Variants in AOPEP observed in about 807,000 individuals in gnomAD.
The protein encoded by AOPEP is aminopeptidase O.
In AOPEP, 77 loss-of-function variants were observed where a neutral mutation model predicts 98.1. That is an observed-to-expected ratio of 0.78 (90% CI 0.65 to 0.95). AOPEP has a LOEUF of 0.95. Ranked by LOEUF, AOPEP falls within the 40% of genes least tolerant of loss-of-function variation. The pLI, the probability that AOPEP is intolerant of heterozygous loss-of-function variation, is 0.00. For synonymous variants in AOPEP, 346 were observed against 365.3 expected, an observed-to-expected ratio of 0.95 and a Z score of 0.60; for missense variants, 1,024 against 1,024.7, an observed-to-expected ratio of 1.00 and a Z score of 0.01.
chr9:95,134,462 T>C, the AOPEP span, among the ~76,000 whole-genome samples: 3 of 152,260 alleles, frequency 2.0e-5, no homozygotes, highest in South Asian at 6.2e-4. Context: ...ACTGTGGCTC[T>C]TGGAACTCAC....
rs72746594 is a variant in AOPEP at position 94,849,252 on chromosome 9, T to C, written c.1364+48250T>C. Among the ~76,000 whole-genome samples the C allele has an allele frequency of 4.7e-3, 712 of 152,324 alleles. 9 individuals are homozygous for C. The highest frequency in any genetic ancestry group is 0.042 in the South Asian group (201 of 4,826). Reference sequence around the variant, plus strand: ...CTTTAAAAACAAACTTATATTTTCATTGAAGTTTAGTTTTAAGTGTTTTAC... The same window carrying C: ...CTTTAAAAACAAACTTATATTTTCACTGAAGTTTAGTTTTAAGTGTTTTAC... On this transcript the variant is annotated intron_variant, in intron 5 of 16. Coordinates refer to ENST00000375315, the MANE Select transcript of AOPEP (RefSeq NM_001193329.3).
rs1016052128 is a variant in AOPEP, at chr9:95,075,081, C to T, written c.2233-5613C>T. Among the ~76,000 whole-genome samples the T allele has an allele frequency of 4.6e-5, 7 of 152,274 alleles. No homozygotes were observed. The South Asian group carries it at 6.2e-4, about 14-fold the overall frequency. On this transcript the variant is annotated intron_variant, in intron 14 of 16. Transcript: ENST00000375315. ...TTCTCTACTTGCCCAGTCTCCTTCC[C>T]TCCCACACCAACTTCATCATTTTCC...
chr9:94,917,573 G>T (rs970165394), intron 5 of AOPEP, among the ~76,000 whole-genome samples: 6 of 152,234 alleles, frequency 3.9e-5, no homozygotes, highest in Admixed American at 3.9e-4. Context: ...AGCCTCCTCT[G>T]AGAGCACTTA....
chr9:95,133,177 C>G, the AOPEP span, among the ~76,000 whole-genome samples: 1 of 152,260 alleles, frequency 6.6e-6, no homozygotes, highest in Non-Finnish European at 1.5e-5. Flanking sequence ...AATCACTTAG[C>G]CACGTCACAG....
intron 13 of AOPEP, among the ~76,000 whole-genome samples, chr9:95,040,147 G>A (rs1453358430): frequency 3.9e-5 from 6 of 152,178 alleles, no homozygotes; most frequent in Non-Finnish European, 5.9e-5. Context: ...CACAGTCAGG[G>A]GACCCTGAGG....
chr9:95,111,546 C>G, the AOPEP span: 1 of 1,614,166 alleles, frequency 6.2e-7, no homozygotes, highest in Non-Finnish European at 8.5e-7. Flanking sequence ...GGGGGTTCGG[C>G]TGCCGACATC....
chr9:95,076,221 A>G (rs913395767), intron 14 of AOPEP, among the ~76,000 whole-genome samples: 4 of 152,226 alleles, frequency 2.6e-5, no homozygotes, highest in African/African-American at 9.7e-5. Flanking sequence ...TGGTACAGGA[A>G]GGTGGGGTCT....
At chr9:94,964,838 A>G (rs952416912) in intron 9 of AOPEP, among the ~76,000 whole-genome samples, 2 of 151,800 alleles carry the variant, frequency 1.3e-5, no homozygotes, top group East Asian at 3.9e-4. Context: ...ACGGGGTTTC[A>G]CTATGTTGGC....
intron 10 of AOPEP, among the ~76,000 whole-genome samples, chr9:94,979,068 A>T (rs1053407512): frequency 6.6e-6 from 1 of 152,168 alleles, no homozygotes; most frequent in Non-Finnish European, 1.5e-5. Flanking sequence ...AATATGCCTT[A>T]TCCTCCCGAA....
chr9:94,877,181 C>T (rs10993381), intron 5 of AOPEP, among the ~76,000 whole-genome samples: 7,041 of 152,202 alleles, frequency 0.046, 240 homozygotes, highest in South Asian at 0.1. Flanking sequence ...GGCTAAATAG[C>T]AACATCCAAA....
chr9:95,119,599 C>T, the AOPEP span, among the ~76,000 whole-genome samples: 57 of 152,194 alleles, frequency 3.7e-4, no homozygotes, highest in African/African-American at 1.2e-3. Flanking sequence ...CTCTTGAACT[C>T]GTGATCCACC....
At chr9:94,932,400 A>C in intron 7 of AOPEP, 1 of 394,704 alleles carries the variant, frequency 2.5e-6, no homozygotes, top group Non-Finnish European at 3.4e-6. Flanking sequence ...ATTTATAAGA[A>C]CAGCTTTCCA....
At chr9:95,059,281 T>C (rs1391862811) in intron 13 of AOPEP, among the ~76,000 whole-genome samples, 1 of 152,228 alleles carries the variant, frequency 6.6e-6, no homozygotes, top group African/African-American at 2.4e-5. Flanking sequence ...AGCCACAGCA[T>C]GTCTTTCAGA....
At chr9:94,752,598 C>A (rs900775296) in intron 1 of AOPEP, among the ~76,000 whole-genome samples, 2 of 152,198 alleles carry the variant, frequency 1.3e-5, no homozygotes, top group Non-Finnish European at 2.9e-5. Flanking sequence ...TTCAAACATA[C>A]AACTGTTAAA....
chr9:94,750,756 C>CTTTTTTTTTTTT (rs536762614), intron 1 of AOPEP, among the ~76,000 whole-genome samples: 1 of 130,916 alleles, frequency 7.6e-6, no homozygotes, highest in African/African-American at 2.7e-5. Context: ...TCTTTTCTTT[C>CTTTTTTTTTTTT]TTTTTTTTTT....
intron 5 of AOPEP, among the ~76,000 whole-genome samples, chr9:94,889,573 G>T (rs529712650): frequency 6.0e-5 from 9 of 150,878 alleles, no homozygotes; most frequent in Non-Finnish European, 5.9e-5. Flanking sequence ...CTGCAGCCTC[G>T]ACCTCCTGGG....
intron 5 of AOPEP, among the ~76,000 whole-genome samples, chr9:94,909,352 A>AC: frequency 6.6e-6 from 1 of 150,926 alleles, no homozygotes; most frequent in Non-Finnish European, 1.5e-5. Flanking sequence ...GCCTTAAAAA[A>AC]AAAAAAAAAA....
the AOPEP span, chr9:95,101,688 C>G: frequency 6.2e-7 from 1 of 1,613,258 alleles, no homozygotes; most frequent in East Asian, 2.2e-5. Flanking sequence ...GCCGGGCACC[C>G]ACACGGCCTG....
chr9:95,125,354 G>A, the AOPEP span, among the ~76,000 whole-genome samples: 12 of 152,130 alleles, frequency 7.9e-5, no homozygotes, highest in Admixed American at 5.9e-4. Context: ...TAAATTTGTC[G>A]CTCCCTGTTA....
Sources: allele counts gnomAD v4.1 joint callset (sites outside exome capture counted in the v4.1 genomes callset), GRCh38; gene constraint gnomAD v4.1.1; transcripts MANE v1.5; gene names NCBI Gene and HGNC (gene_info 2026-07-23, HGNC 2026-07-21).